The following RNF157 variants were observed in gnomAD, a reference collection of about 807,000 sequenced individuals.
RNF157 encodes the protein ring finger protein 157, also known as E3 ubiquitin ligase RNF157.
RNF157 carries 55 observed loss-of-function variants against 88.3 expected under a neutral mutation model. That is an observed-to-expected ratio of 0.62 (90% CI 0.50 to 0.78). The LOEUF (loss-of-function observed/expected upper bound fraction) is 0.78, where lower values mean the gene tolerates loss of function less well. Among genes scored for constraint, RNF157 ranks in the 30% least tolerant of loss-of-function variants. RNF157 has a pLI of 0.00. For synonymous variants in RNF157, 334 were observed against 341.2 expected, an observed-to-expected ratio of 0.98 and a Z score of 0.23; for missense variants, 788 against 860.8, an observed-to-expected ratio of 0.92 and a Z score of 1.06.
intron 1 of RNF157, chr17:76,226,451 G>C (rs1156357898): frequency 1.9e-6 from 3 of 1,602,274 alleles, no homozygotes; most frequent in Non-Finnish European, 2.6e-6. Flanking sequence ...GAGATTACAA[G>C]TGTCATCCAA....
chr17:76,168,246 G>A (rs1259470141), intron 3 of RNF157, among the ~76,000 whole-genome samples: 3 of 152,118 alleles, frequency 2.0e-5, no homozygotes, highest in Admixed American at 2.0e-4. Context: ...ATGGAAACAA[G>A]GATTTCTTTC....
At chr17:76,219,914 G>A (rs899484581) in intron 1 of RNF157, among the ~76,000 whole-genome samples, 14 of 152,150 alleles carry the variant, frequency 9.2e-5, no homozygotes, top group East Asian at 1.9e-4. Context: ...CATACCTAGC[G>A]TATTGAGAAT....
At position 76,192,075 on chromosome 17, in the gene RNF157, C is replaced by A. The variant is rs556745530; in HGVS notation, c.208-18285G>T. Among the ~76,000 whole-genome samples the A allele has an allele frequency of 3.3e-5, 5 of 152,322 alleles. No homozygotes were observed. The East Asian group carries it at 9.6e-4, about 29-fold the overall frequency. ...AAAACCAGTAAGTATAGTTTCCCGT[C>A]AGATGGGGTGCACAATGACAACAGG... On this transcript the variant is annotated intron_variant, in intron 2 of 18. Coordinates refer to ENST00000269391, the MANE Select transcript of RNF157 (RefSeq NM_052916.3).
intron 2 of RNF157, among the ~76,000 whole-genome samples, chr17:76,205,138 TTTC>T (rs2069658708): frequency 6.6e-6 from 1 of 150,834 alleles, no homozygotes; most frequent in East Asian, 1.9e-4. Context: ...CTTTTCTTTT[TTTC>T]TTTCTTTTTT....
At chr17:76,215,253 G>C (rs2069868570) in intron 1 of RNF157, among the ~76,000 whole-genome samples, 1 of 151,938 alleles carries the variant, frequency 6.6e-6, no homozygotes, top group Non-Finnish European at 1.5e-5. Flanking sequence ...AGACCAGCTT[G>C]GGCAACTTAG....
At chr17:76,237,029 C>A (rs186672110) in intron 1 of RNF157, among the ~76,000 whole-genome samples, 1 of 152,200 alleles carries the variant, frequency 6.6e-6, no homozygotes, top group African/African-American at 2.4e-5. Flanking sequence ...TTTCACTGTA[C>A]ACGTTTTCAT....
intron 17 of RNF157, 28 bp from the exon 18 acceptor site, chr17:76,152,493 G>C (rs1568022127): frequency 7.1e-7 from 1 of 1,414,278 alleles, no homozygotes; most frequent in East Asian, 2.3e-5. Context: ...CAGTTAGAGA[G>C]GGGCTGGCTG....
At chr17:76,232,405 A>C (rs915487448) in intron 1 of RNF157, among the ~76,000 whole-genome samples, 22 of 152,098 alleles carry the variant, frequency 1.4e-4, no homozygotes, top group African/African-American at 5.3e-4. Flanking sequence ...AAAAAAGCAA[A>C]GAAACAAACA....
At chr17:76,173,586 C>T in intron 3 of RNF157, 116 bp downstream of exon 3, 1 of 754,802 alleles carries the variant, frequency 1.3e-6, no homozygotes, top group Non-Finnish European at 2.2e-6. Flanking sequence ...CCCAGAGAAG[C>T]AAGCTCTGGG....
At chr17:76,181,018 A>T (rs145132110) in intron 2 of RNF157, among the ~76,000 whole-genome samples, 261 of 152,326 alleles carry the variant, frequency 1.7e-3, no homozygotes, top group Non-Finnish European at 3.3e-3. Flanking sequence ...ACAAACTGAC[A>T]TTCTACAGAT....
chr17:76,182,124 G>A (rs1179577703), intron 2 of RNF157, among the ~76,000 whole-genome samples: 3 of 152,000 alleles, frequency 2.0e-5, no homozygotes, highest in Non-Finnish European at 2.9e-5. Flanking sequence ...TCCTGGGACT[G>A]GGCTGCTGTG....
intron 1 of RNF157, among the ~76,000 whole-genome samples, chr17:76,223,514 T>A (rs1568074682): frequency 6.6e-6 from 1 of 152,138 alleles, no homozygotes; most frequent in African/African-American, 2.4e-5. Context: ...AAACAATACC[T>A]GACTCTTCCT....
chr17:76,228,950 A>G (rs569633107), intron 1 of RNF157, among the ~76,000 whole-genome samples: 31 of 152,092 alleles, frequency 2.0e-4, no homozygotes, highest in African/African-American at 7.5e-4. Flanking sequence ...TACAAAAAAA[A>G]AAATTCACTC....
At chr17:76,159,683 G>A (rs1269388035) in intron 11 of RNF157, 110 bp from the exon 12 acceptor site, 1 of 792,778 alleles carries the variant, frequency 1.3e-6, no homozygotes, top group Non-Finnish European at 2.1e-6. Context: ...GTTCTTGGGG[G>A]GGTCTGGTAA....
intron 1 of RNF157, among the ~76,000 whole-genome samples, chr17:76,223,015 C>G (rs1008725508): frequency 1.3e-5 from 2 of 151,962 alleles, no homozygotes; most frequent in Non-Finnish European, 2.9e-5. Context: ...CTCAGCCTTC[C>G]GAGTAGCTGG....
intron 1 of RNF157, among the ~76,000 whole-genome samples, chr17:76,233,117 T>G (rs760796687): frequency 6.6e-6 from 1 of 152,276 alleles, no homozygotes; most frequent in Non-Finnish European, 1.5e-5. Flanking sequence ...AGACAGGGTT[T>G]CACCATGTTA....
chr17:76,169,744 T>C (rs1461263444), intron 3 of RNF157, among the ~76,000 whole-genome samples: 2 of 151,544 alleles, frequency 1.3e-5, no homozygotes, highest in Non-Finnish European at 2.9e-5. Context: ...CAGGCCCAGC[T>C]AATTTTTTTG....
At chr17:76,205,145 CTTTTT>C in intron 2 of RNF157, among the ~76,000 whole-genome samples, 1 of 142,820 alleles carries the variant, frequency 7.0e-6, no homozygotes, top group Non-Finnish European at 1.5e-5. Context: ...TTTTTTCTTT[CTTTTT>C]TTTTTTTTGA....
Position 76,167,615 on chromosome 17 carries a change from G to T in RNF157, c.443+36C>A, listed in dbSNP as rs1446402741. 3.1e-6 allele frequency: 5 copies of T among 1,613,168 alleles called. No individual in the cohort carries two copies. In the East Asian group the frequency reaches 1.1e-4, roughly 36 times the overall value. On this transcript the variant is annotated intron_variant, in intron 4 of 18. Coordinates refer to ENST00000269391, the MANE Select transcript of RNF157 (RefSeq NM_052916.3). ...CTCTTCCGTGGCCTGGTAATAATCT[G>T]GGAAGGAAGTGGCTCTCCTGGTCTC...
Sources: gnomAD v4.1 joint callset for allele counts (sites outside exome capture counted in the v4.1 genomes callset) on GRCh38, gnomAD v4.1.1 for gene constraint, MANE v1.5 for transcripts, NCBI Gene and HGNC (gene_info 2026-07-23, HGNC 2026-07-21) for gene names.